CLCN2: variants seen among roughly 807,000 people sequenced by gnomAD.
The protein encoded by CLCN2 is chloride voltage-gated channel 2.
Under a neutral mutation model 108.3 loss-of-function variants are expected in CLCN2, and 72 were observed. That is an observed-to-expected ratio of 0.66 (90% CI 0.55 to 0.81). The LOEUF (loss-of-function observed/expected upper bound fraction) is 0.81. Among genes scored for constraint, CLCN2 ranks in the 30% least tolerant of loss-of-function variants. CLCN2 has a pLI of 0.00. For synonymous variants in CLCN2, 471 were observed against 467.1 expected (o/e 1.01, Z -0.11); for missense variants, 1,048 against 1,205.2 (o/e 0.87, Z 1.93).
Position 184,354,987 on chromosome 3 carries a change from G to T in CLCN2, c.1327-14C>A. On this transcript the variant is annotated splice_polypyrimidine_tract_variant and intron_variant, in intron 12 of 23. Transcript: ENST00000265593. Reference sequence around the variant, plus strand: ...AGACATCCAGAACTGCAGGCAGGGGGTGGTTCAAAGGCGAAGAGGCTCCAC... The same window carrying T: ...AGACATCCAGAACTGCAGGCAGGGGTTGGTTCAAAGGCGAAGAGGCTCCAC... 1.2e-6 allele frequency: 2 copies of T among 1,613,558 alleles called. No homozygotes were observed. The highest frequency in any genetic ancestry group is 1.7e-6 in the Non-Finnish European group (2 of 1,179,682).
Position 184,355,176 on chromosome 3 carries a change from C to T in CLCN2, c.1326+198G>A. On this transcript the variant is annotated intron_variant, in intron 12 of 23. Transcript: ENST00000265593. The surrounding 1 kb of genome is among the most constrained non-coding windows in gnomAD (Gnocchi z 6.3). ...ACTCTGGAAGCAGATGGCTTGGGTT[C>T]AGATCATCGCTCTGCCCTCTAGCTG... 1 of 786,058 alleles carries T rather than the reference C, an allele frequency of 1.3e-6. No homozygotes were observed. The highest frequency in any genetic ancestry group is 2.1e-5 in the Admixed American group (1 of 48,750). 48.7% of individuals were successfully genotyped at this position (786,058 alleles called of 1,614,324 possible).
rs369856931 is a variant in CLCN2, at chr3:184,355,110, C to G, written c.1327-137G>C. ...GCCACCCCGTAACCCTCCTAGCTAC[C>G]CTGGGACCCCCAGGCCTCCCAGGTG... On this transcript the variant is annotated intron_variant, in intron 12 of 23. Coordinates refer to ENST00000265593, the MANE Select transcript of CLCN2 (RefSeq NM_004366.6). The surrounding 1 kb of genome is among the most constrained non-coding windows in gnomAD (Gnocchi z 6.3). 3.4e-6 allele frequency: 3 copies of G among 895,338 alleles called. No individual in the cohort carries two copies. In the East Asian group the frequency reaches 7.9e-5, roughly 24 times the overall value. 55.5% of individuals were successfully genotyped at this position (895,338 alleles called of 1,614,324 possible).
Position 184,358,032 on chromosome 3 carries a change from A to G in CLCN2, c.545T>C (p.Leu182Pro), listed in dbSNP as rs2108572727. 6.2e-7 allele frequency: 1 copy of G among 1,614,046 alleles called. No homozygotes were observed. Among genetic ancestry groups the G allele is most frequent in the Non-Finnish European group, 8.5e-7 (1 of 1,180,030 alleles). ...AATGACCTTAGCTATAAAGGTCTTGAGTGTGAGGTATTCTTTCAGCACCAC... is the reference window on the plus strand; with the variant it reads ...AATGACCTTAGCTATAAAGGTCTTGGGTGTGAGGTATTCTTTCAGCACCAC... ...RGVVLKEYLT[L>P]KTFIAKVIGL... The change falls in exon 5 of 24, where the codon CTC becomes CCC. Residue 182 changes from leucine to proline, a missense_variant. Leu to Pro is a moderately conservative substitution (Grantham distance 98). Transcript: ENST00000265593.
chr3:184,358,773 A>G lies in CLCN2; in HGVS notation c.261T>C (p.Val87=), dbSNP rs757757717. The change falls in exon 3 of 24, where the codon GTT becomes GTC. Residue 87 remains valine, a synonymous_variant. Coordinates refer to ENST00000265593, the MANE Select transcript of CLCN2 (RefSeq NM_004366.6). ...GGACCAGGAAGATCCAATCTTCACC[A>G]ACCCTGGATACTAGGAACTTGTGGC... ...VRCHKFLVSR[V]GEDWIFLVLL... 9.3e-6 allele frequency: 15 copies of G among 1,612,164 alleles called. No individual in the cohort carries two copies. In the South Asian group the frequency reaches 1.4e-4, roughly 15 times the overall value.
chr3:184,351,902 C>A, intron 22 of CLCN2, 111 bp downstream of exon 22: 1 of 826,616 alleles, frequency 1.2e-6, no homozygotes, highest in East Asian at 2.4e-5. Flanking sequence ...GAGCCAACTC[C>A]CTTCTCCTCC....
rs1447971884 is a variant in CLCN2 at position 184,346,387 on chromosome 3, G to A, written c.*219C>T. ...CCCCAACCCATCCTGCCAGGGCAGGGCCTATCTTCCTGCCTCTGGAAGACT... is the reference window on the plus strand; with the variant it reads ...CCCCAACCCATCCTGCCAGGGCAGGACCTATCTTCCTGCCTCTGGAAGACT... On this transcript the variant is annotated 3_prime_UTR_variant, in exon 24 of 24. Coordinates refer to ENST00000265593, the MANE Select transcript of CLCN2 (RefSeq NM_004366.6). This position sits in a 1 kb window ranked among gnomAD's most constrained non-coding sequence, Gnocchi z 6.0. The A allele has an allele frequency of 8.1e-6, 5 of 617,640 alleles. No homozygotes were observed. In the South Asian group the frequency reaches 9.1e-5, roughly 11 times the overall value. 38.3% of individuals were successfully genotyped at this position (617,640 alleles called of 1,614,324 possible).
intron 1 of CLCN2, among the ~76,000 whole-genome samples, chr3:184,360,282 G>A (rs1016637944): frequency 2.0e-5 from 3 of 151,988 alleles, no homozygotes; most frequent in Non-Finnish European, 4.4e-5. Flanking sequence ...CAGAGTGCCC[G>A]GGACAGAGCT....
intron 13 of CLCN2, 85 bp downstream of exon 13, chr3:184,354,819 C>T: frequency 6.6e-7 from 1 of 1,509,716 alleles, no homozygotes; most frequent in Middle Eastern, 1.7e-4. Context: ...GACCAAAAAC[C>T]CGCTCTTGGG....
intron 22 of CLCN2, 88 bp downstream of exon 22, chr3:184,351,925 T>C (rs2108560957): frequency 2.1e-6 from 2 of 953,096 alleles, no homozygotes; most frequent in Non-Finnish European, 1.7e-6. Flanking sequence ...CCTTCCCCAC[T>C]GGCCTGAGTC....
intron 9 of CLCN2, 40 bp downstream of exon 9, chr3:184,357,142 C>T (rs753731734): frequency 3.1e-5 from 50 of 1,609,908 alleles, no homozygotes; most frequent in Admixed American, 5.0e-5. Flanking sequence ...TCTAGAAACC[C>T]CCCTCCTCTC....
rs949488143 is a variant in CLCN2 at position 184,353,015 on chromosome 3, C to T, written c.2143+18G>A. 2 of 1,607,204 alleles carry T rather than the reference C, an allele frequency of 1.2e-6. No homozygotes were observed. The highest frequency in any genetic ancestry group is 1.7e-4 in the Middle Eastern group (1 of 6,050). On this transcript the variant is annotated intron_variant, in intron 18 of 23. Transcript: ENST00000265593. ...TAGCTTGGCTGAGGCTCTGTGGACA[C>T]AGGAGACATGGGCTTACCTGTGGGA...
At chr3:184,359,917 G>A (rs1364763215) in intron 1 of CLCN2, among the ~76,000 whole-genome samples, 1 of 151,374 alleles carries the variant, frequency 6.6e-6, no homozygotes, top group African/African-American at 2.4e-5. Flanking sequence ...GTTGGGGGGC[G>A]GGGAGGAGTA....
At position 184,346,909 on chromosome 3, in the gene CLCN2, A is replaced by G. The variant is rs778014861; in HGVS notation, c.2502+26T>C. On this transcript the variant is annotated intron_variant, in intron 23 of 23. Coordinates refer to ENST00000265593, the MANE Select transcript of CLCN2 (RefSeq NM_004366.6). The surrounding 1 kb of genome is among the most constrained non-coding windows in gnomAD (Gnocchi z 6.0). ...CTCCATGACTTTTTGGAAGTGGAGCAGCTTTGGAGGCCACCATCACCTCAC... is the reference window on the plus strand; with the variant it reads ...CTCCATGACTTTTTGGAAGTGGAGCGGCTTTGGAGGCCACCATCACCTCAC... The G allele has an allele frequency of 6.2e-7, 1 of 1,611,688 alleles. No individual in the cohort carries two copies. Among genetic ancestry groups the G allele is most frequent in the African/African-American group, 1.3e-5 (1 of 74,888 alleles).
chr3:184,352,627 G>T, intron 19 of CLCN2, 110 bp downstream of exon 19: 2 of 1,459,594 alleles, frequency 1.4e-6, no homozygotes, highest in Non-Finnish European at 1.9e-6. Context: ...AGGGAGGGCC[G>T]AAGGGCAGGG....
At chr3:184,353,845 C>T in intron 15 of CLCN2, 50 bp from the exon 16 acceptor site, 2 of 1,588,480 alleles carry the variant, frequency 1.3e-6, no homozygotes, top group Non-Finnish European at 1.7e-6. Flanking sequence ...GGGAGAGGTG[C>T]CCAGAGCATT....
At position 184,355,966 on chromosome 3, in the gene CLCN2, C is replaced by T. The variant is rs1306872691; in HGVS notation, c.1086-188G>A. On this transcript the variant is annotated intron_variant, in intron 10 of 23. Transcript: ENST00000265593. The surrounding 1 kb of genome is among the most constrained non-coding windows in gnomAD (Gnocchi z 6.3). ...TGGTGGACTGGGGTTATTCTAAGAG[C>T]AGGGGTCTGACCCAAAGACCTTTCT... The T allele has an allele frequency of 1.6e-6, 1 of 620,030 alleles. No individual in the cohort carries two copies. The highest frequency in any genetic ancestry group is 2.9e-6 in the Non-Finnish European group (1 of 343,214). 38.4% of individuals were successfully genotyped at this position (620,030 alleles called of 1,614,324 possible).
Position 184,355,532 on chromosome 3 carries a change from A to G in CLCN2, c.1171-3T>C, listed in dbSNP as rs777453345. ...ACCAGCGTCTCTTTCTGTGAGAGCT[A>G]GAGTGAACAGGGTGCCTCAGGCTGG... is the stretch of plus-strand genomic sequence containing the variant. On this transcript the variant is annotated splice_polypyrimidine_tract_variant and splice_region_variant and intron_variant, in intron 11 of 23. Coordinates refer to ENST00000265593, the MANE Select transcript of CLCN2 (RefSeq NM_004366.6). This position sits in a 1 kb window ranked among gnomAD's most constrained non-coding sequence, Gnocchi z 6.3. The G allele has an allele frequency of 1.5e-5, 24 of 1,614,004 alleles. No homozygotes were observed. The Admixed American group carries it at 3.5e-4, about 24-fold the overall frequency.
At chr3:184,359,542 T>C (rs909395219) in intron 1 of CLCN2, among the ~76,000 whole-genome samples, 1 of 152,212 alleles carries the variant, frequency 6.6e-6, no homozygotes, top group Non-Finnish European at 1.5e-5. Flanking sequence ...AAGAGCCTCG[T>C]GGAGCTCGGG....
At chr3:184,356,007 T>C in intron 10 of CLCN2, 1 of 536,526 alleles carries the variant, frequency 1.9e-6, no homozygotes, top group East Asian at 3.3e-5. Context: ...CCCCTGACTC[T>C]GTAGGTGGGT....
Sources: gnomAD v4.1 joint callset for allele counts (sites outside exome capture counted in the v4.1 genomes callset) on GRCh38, gnomAD v4.1.1 for gene constraint, Gnocchi (gnomAD v3.1) non-coding constraint, MANE v1.5 for transcripts, NCBI Gene and HGNC (gene_info 2026-07-23, HGNC 2026-07-21) for gene names.